The following ARB2A variants were observed in gnomAD, a reference collection of about 807,000 sequenced individuals.
ARB2A encodes the protein ARB2 cotranscriptional regulator A.
At chr5:93,870,746 G>T in the ARB2A span, among the ~76,000 whole-genome samples, 2 of 152,174 alleles carry the variant, frequency 1.3e-5, no homozygotes, top group African/African-American at 2.4e-5. Flanking sequence ...TGGAAGTGGA[G>T]GTTGGAGGGA....
chr5:93,779,124 T>TGTGTGTGTGC, the ARB2A span, among the ~76,000 whole-genome samples: 733 of 146,354 alleles, frequency 5.0e-3, 5 homozygotes, highest in African/African-American at 0.016. Flanking sequence ...TGTGTGTGTG[T>TGTGTGTGTGC]GCGCGCGCGC....
At chr5:94,059,845 A>G in the ARB2A span, among the ~76,000 whole-genome samples, 33 of 152,222 alleles carry the variant, frequency 2.2e-4, no homozygotes, top group Middle Eastern at 6.8e-3. Context: ...AAAAGCTGAA[A>G]TAATTTATCA....
chr5:93,938,483 T>C, the ARB2A span, among the ~76,000 whole-genome samples: 1 of 152,238 alleles, frequency 6.6e-6, no homozygotes, highest in African/African-American at 2.4e-5. Context: ...TTAAACTTAA[T>C]ATATTGTTTA....
At chr5:93,728,866 A>G in the ARB2A span, among the ~76,000 whole-genome samples, 65 of 152,162 alleles carry the variant, frequency 4.3e-4, 1 homozygote, top group Non-Finnish European at 8.1e-4. Flanking sequence ...TGTGTTGTTC[A>G]ATGTCTTTTT....
the ARB2A span, among the ~76,000 whole-genome samples, chr5:93,719,369 AAT>A: frequency 6.6e-6 from 1 of 152,190 alleles, no homozygotes. Flanking sequence ...CTAACCATCT[AAT>A]ATTTAAAAGA....
chr5:93,925,031 T>C, the ARB2A span, among the ~76,000 whole-genome samples: 1 of 152,050 alleles, frequency 6.6e-6, no homozygotes, highest in Non-Finnish European at 1.5e-5. Flanking sequence ...CAATCTTACA[T>C]TAGCAATAAC....
At chr5:93,784,794 G>A in the ARB2A span, among the ~76,000 whole-genome samples, 1 of 152,192 alleles carries the variant, frequency 6.6e-6, no homozygotes, top group Non-Finnish European at 1.5e-5. Context: ...GGGAATCCCT[G>A]AGGGTTTCTT....
the ARB2A span, among the ~76,000 whole-genome samples, chr5:94,024,866 TAA>T: frequency 6.6e-6 from 1 of 151,940 alleles, no homozygotes; most frequent in African/African-American, 2.4e-5. Flanking sequence ...CATGATAAAC[TAA>T]AAAACGCAAG....
chr5:93,913,562 C>T, the ARB2A span, among the ~76,000 whole-genome samples: 1 of 151,836 alleles, frequency 6.6e-6, no homozygotes, highest in Non-Finnish European at 1.5e-5. Context: ...GTTTTGCTGT[C>T]CTATTGCTTA....
chr5:93,873,457 A>G, the ARB2A span, among the ~76,000 whole-genome samples: 3 of 151,752 alleles, frequency 2.0e-5, no homozygotes, highest in Non-Finnish European at 4.4e-5. Context: ...AAGGAAAAGG[A>G]AAAGGGGAAA....
At chr5:93,734,465 C>CACA in the ARB2A span, 1 of 152,122 alleles carries the variant, frequency 6.6e-6, no homozygotes, top group African/African-American at 2.4e-5. Flanking sequence ...GTGATGAAGG[C>CACA]TATGAACCAT....
the ARB2A span, among the ~76,000 whole-genome samples, chr5:93,671,287 C>A: frequency 6.6e-6 from 1 of 151,942 alleles, no homozygotes; most frequent in African/African-American, 2.4e-5. Context: ...ATTTTGTAAT[C>A]AACTAAAAAG....
the ARB2A span, among the ~76,000 whole-genome samples, chr5:94,023,312 C>T: frequency 6.6e-6 from 1 of 152,088 alleles, no homozygotes; most frequent in South Asian, 2.1e-4. Flanking sequence ...TAGATGAGCC[C>T]AATATCCCTT....
chr5:93,678,063 A>G, the ARB2A span, among the ~76,000 whole-genome samples: 7 of 152,200 alleles, frequency 4.6e-5, no homozygotes, highest in Non-Finnish European at 8.8e-5. Context: ...CCATTCCTAG[A>G]AATAATCCCA....
the ARB2A span, among the ~76,000 whole-genome samples, chr5:94,074,248 C>A: frequency 2.0e-5 from 3 of 152,190 alleles, no homozygotes; most frequent in Admixed American, 6.5e-5. Context: ...ATAAACCTCT[C>A]ATAAAATATC....
the ARB2A span, chr5:93,865,332 C>T: frequency 1.5e-5 from 13 of 889,730 alleles, no homozygotes; most frequent in African/African-American, 1.8e-5. Context: ...CCGCCCGCCT[C>T]GGCCTCCCAA....
At chr5:93,947,301 TA>T in the ARB2A span, among the ~76,000 whole-genome samples, 1 of 152,196 alleles carries the variant, frequency 6.6e-6, no homozygotes, top group African/African-American at 2.4e-5. Context: ...GTGTGTCACC[TA>T]AATTCAAACT....
the ARB2A span, among the ~76,000 whole-genome samples, chr5:93,953,680 G>T: frequency 6.6e-6 from 1 of 152,024 alleles, no homozygotes; most frequent in Non-Finnish European, 1.5e-5. Context: ...AGGTACTACG[G>T]TTCTACAACC....
chr5:94,007,054 T>G, the ARB2A span, among the ~76,000 whole-genome samples: 1 of 152,184 alleles, frequency 6.6e-6, no homozygotes, highest in Non-Finnish European at 1.5e-5. Context: ...ACAAATCATA[T>G]GACAAATGCA....
Sources: allele counts gnomAD v4.1 joint callset (sites outside exome capture counted in the v4.1 genomes callset), GRCh38; gene constraint gnomAD v4.1.1; transcripts MANE v1.5; gene names NCBI Gene and HGNC (gene_info 2026-07-23, HGNC 2026-07-21).